The following SAMD12 variants were observed in gnomAD, a reference collection of about 807,000 sequenced individuals.
SAMD12 encodes the protein sterile alpha motif domain-containing protein 12.
In SAMD12, 9 loss-of-function variants were observed where a neutral mutation model predicts 15.0. The observed-to-expected ratio is 0.60, with a 90% CI of 0.36 to 1.05. The LOEUF is 1.05. Ranked by LOEUF, SAMD12 falls within the 50% of genes least tolerant of loss-of-function variation. SAMD12 has a pLI of 0.01. For missense variants in SAMD12, 230 were observed against 234.2 expected, an observed-to-expected ratio of 0.98 and a Z score of 0.12; for synonymous variants, 86 against 90.1, an observed-to-expected ratio of 0.96 and a Z score of 0.25.
chr8:118,341,371 C>T (rs185238791), intron 4 of SAMD12, among the ~76,000 whole-genome samples: 1 of 152,314 alleles, frequency 6.6e-6, no homozygotes, highest in East Asian at 1.9e-4. Context: ...CTAGACCCCA[C>T]CTCTCAAGTA....
At chr8:118,442,186 G>A (rs1004639917) in intron 2 of SAMD12, among the ~76,000 whole-genome samples, 4 of 152,194 alleles carry the variant, frequency 2.6e-5, no homozygotes, top group Non-Finnish European at 5.9e-5. Flanking sequence ...GGAATACATG[G>A]TGAAGATGGG....
In SAMD12 at chr8:118,586,991, A is replaced by C. The variant is rs1280346375; in HGVS notation, c.14-6098T>G. Among the ~76,000 whole-genome samples the C allele has an allele frequency of 3.3e-5, 5 of 152,358 alleles. No homozygotes were observed. The East Asian group carries it at 7.7e-4, about 24-fold the overall frequency. ...ATCACAAAACCATAAAGCTATCCTG[A>C]AACTACTGATTTATTTGACTGCCAT... is the stretch of plus-strand genomic sequence containing the variant. On this transcript the variant is annotated intron_variant, in intron 1 of 3. Transcript: ENST00000314727.
At chr8:118,608,374 C>T (rs1424045488) in intron 1 of SAMD12, among the ~76,000 whole-genome samples, 4 of 151,902 alleles carry the variant, frequency 2.6e-5, no homozygotes, top group Admixed American at 1.3e-4. Context: ...TTCCTAGTTT[C>T]GTCTTCCCGT....
chr8:118,147,656 G>A, the SAMD12 span, among the ~76,000 whole-genome samples: 5 of 151,996 alleles, frequency 3.3e-5, no homozygotes, highest in South Asian at 2.1e-4. Context: ...CACCGTGCCC[G>A]GCCCCTATGA....
chr8:118,348,753 C>T (rs918080190), intron 4 of SAMD12, among the ~76,000 whole-genome samples: 9 of 152,188 alleles, frequency 5.9e-5, no homozygotes, highest in African/African-American at 2.2e-4. Flanking sequence ...CTATGAATCA[C>T]AGGAAGGCAC....
intron 4 of SAMD12, among the ~76,000 whole-genome samples, chr8:118,311,269 G>A (rs1815617249): frequency 6.6e-6 from 1 of 152,234 alleles, no homozygotes; most frequent in African/African-American, 2.4e-5. Context: ...CTTGGGTTAG[G>A]GTCATATACA....
exon 5 of SAMD12, chr8:118,197,678 G>T (rs1222962383): frequency 6.3e-7 from 1 of 1,598,108 alleles, no homozygotes; most frequent in Non-Finnish European, 8.6e-7. Flanking sequence ...CATATCAACT[G>T]GCAGGACAGC....
intron 4 of SAMD12, among the ~76,000 whole-genome samples, chr8:118,249,240 ATC>A (rs1812765416): frequency 6.6e-6 from 1 of 152,162 alleles, no homozygotes; most frequent in Non-Finnish European, 1.5e-5. Flanking sequence ...CAAATGATTA[ATC>A]ATTTTCTTAC....
the SAMD12 span, among the ~76,000 whole-genome samples, chr8:118,157,280 T>C: frequency 3.3e-5 from 5 of 152,172 alleles, no homozygotes; most frequent in South Asian, 6.2e-4. Flanking sequence ...CAGTTATAAA[T>C]TGAATGGCTC....
At chr8:118,311,685 G>A (rs895991329) in intron 4 of SAMD12, among the ~76,000 whole-genome samples, 7 of 152,140 alleles carry the variant, frequency 4.6e-5, no homozygotes, top group Non-Finnish European at 8.8e-5. Context: ...GTTCTTTTTG[G>A]TTTTCTTAGT....
chr8:118,250,167 A>G lies in SAMD12; in HGVS notation c.434-52435T>C, dbSNP rs188423630. Reference sequence around the variant, plus strand: ...AGGCAGAGCCAGGCAGGGCACGCCAACATGTCATTGAATTACCAGATCCCT... The same window carrying G: ...AGGCAGAGCCAGGCAGGGCACGCCAGCATGTCATTGAATTACCAGATCCCT... On this transcript the variant is annotated intron_variant, in intron 4 of 4. Transcript: ENST00000409003. Among the ~76,000 whole-genome samples, 778 of 152,238 alleles carry G rather than the reference A, an allele frequency of 5.1e-3. 2 individuals are homozygous for G. The highest frequency in any genetic ancestry group is 0.014 in the Middle Eastern group (4 of 294).
At chr8:118,132,803 C>T in the SAMD12 span, among the ~76,000 whole-genome samples, 1 of 151,372 alleles carries the variant, frequency 6.6e-6, no homozygotes, top group Non-Finnish European at 1.5e-5. Context: ...ATTGCAGGAG[C>T]CTTAGTAGAT....
At chr8:118,210,853 C>T (rs1811797507) in intron 4 of SAMD12, among the ~76,000 whole-genome samples, 1 of 152,208 alleles carries the variant, frequency 6.6e-6, no homozygotes, top group African/African-American at 2.4e-5. Context: ...AAGCCTATCT[C>T]TCCCTGCTCT....
intron 1 of SAMD12, among the ~76,000 whole-genome samples, chr8:118,599,571 C>A (rs962434375): frequency 2.6e-5 from 4 of 152,142 alleles, no homozygotes; most frequent in Non-Finnish European, 5.9e-5. Context: ...TGTCCCAGTT[C>A]ACCTCCAATC....
intron 4 of SAMD12, among the ~76,000 whole-genome samples, chr8:118,247,564 A>C (rs1198774261): frequency 6.6e-6 from 1 of 151,860 alleles, no homozygotes; most frequent in African/African-American, 2.4e-5. Context: ...AAAAATAAAA[A>C]AAACTTTAAA....
intron 2 of SAMD12, among the ~76,000 whole-genome samples, chr8:118,569,467 C>T (rs1011597979): frequency 2.6e-5 from 4 of 152,100 alleles, no homozygotes; most frequent in African/African-American, 7.2e-5. Flanking sequence ...CCAGGCATTT[C>T]GGATACAGGA....
At chr8:118,400,933 A>G (rs912199055) in intron 3 of SAMD12, among the ~76,000 whole-genome samples, 2 of 152,230 alleles carry the variant, frequency 1.3e-5, no homozygotes, top group African/African-American at 4.8e-5. Context: ...AATGAAAACT[A>G]TATTGGTTAA....
chr8:118,601,717 C>G (rs1440419686), intron 1 of SAMD12, among the ~76,000 whole-genome samples: 2 of 152,208 alleles, frequency 1.3e-5, no homozygotes, highest in African/African-American at 4.8e-5. Flanking sequence ...ATGCCAATAG[C>G]TGAGCCTGTT....
intron 3 of SAMD12, among the ~76,000 whole-genome samples, chr8:118,410,239 A>T (rs1040314566): frequency 6.6e-6 from 1 of 152,190 alleles, no homozygotes; most frequent in African/African-American, 2.4e-5. Flanking sequence ...CATGAAAGAG[A>T]CTGTAGAAAA....
Sources: allele counts gnomAD v4.1 joint callset (sites outside exome capture counted in the v4.1 genomes callset), GRCh38; gene constraint gnomAD v4.1.1; transcripts MANE v1.5; gene names NCBI Gene and HGNC (gene_info 2026-07-23, HGNC 2026-07-21).